Variants in ENO4 observed in about 807,000 individuals in gnomAD.
The protein encoded by ENO4 is enolase 4.
Under a neutral mutation model 63.2 loss-of-function variants are expected in ENO4, and 53 were observed. That is an observed-to-expected ratio of 0.84 (90% CI 0.67 to 1.05). The LOEUF (loss-of-function observed/expected upper bound fraction) is 1.05. ENO4 is among the 50% of genes least tolerant of loss of function. The probability of loss-of-function intolerance (pLI) is 0.00; values close to 1 mark genes in which losing one functional copy is unlikely to be tolerated. For missense variants in ENO4, 719 were observed against 772.0 expected (o/e 0.93, Z 0.81); for synonymous variants, 266 against 283.8 (o/e 0.94, Z 0.63).
At chr10:116,908,908 T>C (rs887763817) in intron 10 of ENO4, among the ~76,000 whole-genome samples, 1 of 152,190 alleles carries the variant, frequency 6.6e-6, no homozygotes, top group African/African-American at 2.4e-5. Context: ...ATGTGGTGGC[T>C]TCAGCTAACA....
intron 10 of ENO4, among the ~76,000 whole-genome samples, chr10:116,891,619 T>C (rs1847344928): frequency 6.6e-6 from 1 of 152,248 alleles, no homozygotes; most frequent in Admixed American, 6.5e-5. Context: ...CTTATTTTTT[T>C]CCAAGCCCTT....
At chr10:116,871,435 T>G (rs1846693613) in intron 9 of ENO4, 143 bp downstream of exon 9, 3 of 788,246 alleles carry the variant, frequency 3.8e-6, no homozygotes, top group African/African-American at 3.4e-5. Context: ...GATCCAAATA[T>G]AATGAGAAAA....
chr10:116,880,920 G>C (rs1388289454), intron 13 of ENO4, among the ~76,000 whole-genome samples: 4 of 152,144 alleles, frequency 2.6e-5, no homozygotes, highest in Non-Finnish European at 5.9e-5. Flanking sequence ...GTGACCACAG[G>C]CTCCACCCCT....
chr10:116,911,842 G>A, downstream of ENO4: 1 of 1,609,742 alleles, frequency 6.2e-7, no homozygotes, highest in South Asian at 1.1e-5. Context: ...CGAAGATTCT[G>A]GCTATAATTT....
chr10:116,897,320 G>A (rs966016184), intron 10 of ENO4, among the ~76,000 whole-genome samples: 2 of 152,186 alleles, frequency 1.3e-5, no homozygotes, highest in Non-Finnish European at 2.9e-5. Context: ...ACTACACTGA[G>A]AGACACGTAG....
chr10:116,911,598 C>G, exon 11 of ENO4: 1 of 1,551,284 alleles, frequency 6.4e-7, no homozygotes, highest in South Asian at 1.2e-5. Flanking sequence ...AAAAACAGCA[C>G]AGTGTTATTT....
chr10:116,849,714 G>A lies in ENO4; in HGVS notation c.148G>A (p.Asp50Asn), dbSNP rs1846001517. The A allele has an allele frequency of 2.0e-6, 3 of 1,530,544 alleles. No homozygotes were observed. The highest frequency in any genetic ancestry group is 2.5e-5 in the East Asian group (1 of 40,382). 94.8% of individuals were successfully genotyped at this position (1,530,544 alleles called of 1,614,324 possible). A position where few individuals can be genotyped will look rare whatever the true frequency, so the allele number is the denominator to read the frequency against. ...LNSTFYLQPADVYGHLANCFS... is the reference protein window; with the variant it reads ...LNSTFYLQPANVYGHLANCFS... Reference sequence around the variant, plus strand: ...CTCCACCTTCTACCTCCAGCCTGCCGACGTCTACGGGCACCTGGTAGGGAC... The same window carrying A: ...CTCCACCTTCTACCTCCAGCCTGCCAACGTCTACGGGCACCTGGTAGGGAC... Residue 50 changes from aspartate to asparagine, a missense_variant, in exon 1 of 14, where the codon GAC (aspartate) becomes AAC (asparagine). Coordinates refer to ENST00000341276, the MANE Select transcript of ENO4 (RefSeq NM_001242699.2).
chr10:116,886,304 G>A (rs1847160765), downstream of ENO4: 1 of 1,551,298 alleles, frequency 6.4e-7, no homozygotes, highest in Admixed American at 2.0e-5. Context: ...TGTGCTTATT[G>A]AAAAGGACTT....
At chr10:116,904,041 C>T (rs1404833080) in intron 10 of ENO4, among the ~76,000 whole-genome samples, 1 of 152,176 alleles carries the variant, frequency 6.6e-6, no homozygotes, top group African/African-American at 2.4e-5. Context: ...CATCCTTTGT[C>T]CCTGGGGCAG....
chr10:116,893,948 A>G (rs1452910707), intron 10 of ENO4, among the ~76,000 whole-genome samples: 1 of 152,218 alleles, frequency 6.6e-6, no homozygotes, highest in African/African-American at 2.4e-5. Context: ...GCTCCAGTAA[A>G]TTAAAAAGCA....
intron 1 of ENO4, among the ~76,000 whole-genome samples, chr10:116,854,662 G>A (rs1846202471): frequency 6.6e-6 from 1 of 151,830 alleles, no homozygotes; most frequent in African/African-American, 2.4e-5. Flanking sequence ...AAACAAGGGG[G>A]CTGGGCACAG....
chr10:116,906,274 C>CA (rs1847968857), intron 10 of ENO4, among the ~76,000 whole-genome samples: 1 of 152,208 alleles, frequency 6.6e-6, no homozygotes, highest in South Asian at 2.1e-4. Flanking sequence ...AGCTGGTATA[C>CA]AAGAGAACTA....
chr10:116,873,986 A>C (rs1846765422), intron 9 of ENO4, 90 bp from the exon 10 acceptor site: 1 of 1,414,198 alleles, frequency 7.1e-7, no homozygotes, highest in Non-Finnish European at 9.5e-7. Context: ...TCTTATATAA[A>C]ATGAACGAAA....
chr10:116,854,063 T>C (rs939976842), intron 1 of ENO4, among the ~76,000 whole-genome samples: 3 of 152,198 alleles, frequency 2.0e-5, no homozygotes, highest in African/African-American at 7.2e-5. Flanking sequence ...GTGGGCTTTC[T>C]ATCTCAGCTT....
At chr10:116,857,806 T>C (rs147225796) in intron 3 of ENO4, among the ~76,000 whole-genome samples, 4,350 of 152,128 alleles carry the variant, frequency 0.029, 201 homozygotes, top group African/African-American at 0.098. Context: ...CCCAGCTAAT[T>C]TTTTATTTTT....
At chr10:116,876,613 A>G (rs1215375835) in intron 11 of ENO4, among the ~76,000 whole-genome samples, 2 of 152,210 alleles carry the variant, frequency 1.3e-5, no homozygotes, top group East Asian at 3.9e-4. Flanking sequence ...ACATTTATCA[A>G]TTTGCTTTAG....
At chr10:116,879,847 T>C in intron 12 of ENO4, 22 bp from the exon 13 acceptor site, 1 of 1,526,588 alleles carries the variant, frequency 6.6e-7, no homozygotes, top group Non-Finnish European at 8.9e-7. Context: ...CCGTCTAAAA[T>C]TAGTTTTTTC....
At chr10:116,879,041 C>A (rs1347053410) in intron 11 of ENO4, among the ~76,000 whole-genome samples, 3 of 152,108 alleles carry the variant, frequency 2.0e-5, no homozygotes, top group East Asian at 3.9e-4. Flanking sequence ...CCGTGCCCAG[C>A]CATCATGTAT....
At chr10:116,853,098 A>G (rs566022546) in intron 1 of ENO4, among the ~76,000 whole-genome samples, 1 of 152,218 alleles carries the variant, frequency 6.6e-6, no homozygotes, top group Non-Finnish European at 1.5e-5. Context: ...GATCGAGACC[A>G]TCCTGGCTAA....
Sources: allele counts gnomAD v4.1 joint callset (sites outside exome capture counted in the v4.1 genomes callset), GRCh38; gene constraint gnomAD v4.1.1; transcripts MANE v1.5; gene names NCBI Gene and HGNC (gene_info 2026-07-23, HGNC 2026-07-21).